Variants in CAPNS1 observed in about 807,000 individuals in gnomAD.
The protein encoded by CAPNS1 is CANP small subunit.
A neutral mutation model predicts 39.2 loss-of-function variants in CAPNS1; 32 were observed. That is an observed-to-expected ratio of 0.82 (90% confidence interval 0.62 to 1.10). The LOEUF (loss-of-function observed/expected upper bound fraction) is 1.10. CAPNS1 is among the 50% of genes least tolerant of loss of function. The pLI is 0.00. For missense variants in CAPNS1, 353 were observed against 373.1 expected (o/e 0.95, Z 0.44); for synonymous variants, 153 against 136.2 (o/e 1.12, Z -0.86).
intron 6 of CAPNS1, 115 bp downstream of exon 6, chr19:36,143,243 A>G: frequency 1.1e-6 from 1 of 895,710 alleles, no homozygotes; most frequent in Non-Finnish European, 1.9e-6. Flanking sequence ...TGCATTCATC[A>G]GAACACAGTC....
intron 2 of CAPNS1, chr19:36,141,644 AATGAGGAGGTGAGC>A (rs1296725362): frequency 2.0e-6 from 2 of 1,005,660 alleles, no homozygotes; most frequent in African/African-American, 1.7e-5. Flanking sequence ...TAGGTGGGTT[AATGAGGAGGTGAGC>A]CCAGGAGGAA....
intron 6 of CAPNS1, among the ~76,000 whole-genome samples, chr19:36,144,311 C>T (rs1251274204): frequency 1.3e-5 from 2 of 152,024 alleles, no homozygotes; most frequent in Non-Finnish European, 2.9e-5. Context: ...ACCCGGGAGG[C>T]GGAGGTTGCA....
chr19:36,141,860 A>G (rs1286646426), intron 2 of CAPNS1, among the ~76,000 whole-genome samples: 1 of 152,062 alleles, frequency 6.6e-6, no homozygotes, highest in African/African-American at 2.4e-5. Context: ...ACGGGCATTT[A>G]GGAAGCGGGC....
At position 36,145,203 on chromosome 19, in the gene CAPNS1, C is replaced by CTTTTTTT. The variant is rs5827950; in HGVS notation, c.457-590_457-584dup. Among the ~76,000 whole-genome samples the CTTTTTTT allele has an allele frequency of 6.9e-4, 82 of 118,284 alleles. 2 individuals are homozygous for CTTTTTTT. In the East Asian group the frequency reaches 0.01, roughly 15 times the overall value. The allele number at this position is 118,284 out of a possible 152,430, so 77.6% of individuals were successfully genotyped here. Reference sequence around the variant, plus strand: ...CTGTCAAGAATTTTCTTTTCTTTCTCTTTTTTTTTTTTTTTTTTTGAGACA... The same window carrying CTTTTTTT: ...CTGTCAAGAATTTTCTTTTCTTTCTCTTTTTTTTTTTTTTTTTTTTTTTTTTGAGACA... On this transcript the variant is annotated intron_variant, in intron 6 of 10. Coordinates refer to ENST00000246533, the MANE Select transcript of CAPNS1 (RefSeq NM_001749.4).
At chr19:36,148,405 T>G (rs1974651241) in intron 9 of CAPNS1, 1 of 151,078 alleles carries the variant, frequency 6.6e-6, no homozygotes, top group Non-Finnish European at 1.5e-5. Flanking sequence ...TGGTCTCAGT[T>G]GCTCGGGAGG....
At chr19:36,140,694 A>C in intron 1 of CAPNS1, 7 of 331,990 alleles carry the variant, frequency 2.1e-5, no homozygotes, top group East Asian at 6.1e-5. Context: ...CATGTCGGGA[A>C]CGCCTTACGC....
chr19:36,149,704 C>T, intron 10 of CAPNS1, 68 bp downstream of exon 10: 1 of 1,595,282 alleles, frequency 6.3e-7, no homozygotes, highest in East Asian at 2.3e-5. Context: ...CATACCAGCT[C>T]TGAGCTGCAG....
In CAPNS1 at chr19:36,146,311, C is replaced by T; in HGVS notation, c.720C>T (p.Phe240=). The change falls in exon 9 of 11, where the codon TTC becomes TTT. Residue 240 remains phenylalanine, a splice_region_variant and synonymous_variant. Transcript: ENST00000246533. ...ISCLVRLDAM[F]RAFKSLDKDG... is the part of the protein sequence containing the mutation. ...GCTTGGTCAGGCTGGACGCCATGTT[C>T]CGTGAGTGACAACCCAGCTGTCTTC... 6.3e-7 allele frequency: 1 copy of T among 1,598,600 alleles called. No individual in the cohort carries two copies.
chr19:36,141,544 A>T lies in CAPNS1; in HGVS notation c.209+324A>T, dbSNP rs113634128. 8.2e-4 allele frequency: 964 copies of T among 1,179,022 alleles called. 7 individuals carry two copies. The African/African-American group carries it at 0.014, about 17-fold the overall frequency. The allele number at this position is 1,179,022 out of a possible 1,614,324, so 73.0% of individuals were successfully genotyped here. Reference sequence around the variant, plus strand: ...GTCTGGGCTCAGCCTGCATTGGCTAACCTGGAGATGAACGTTAAAGGTGCG... The same window carrying T: ...GTCTGGGCTCAGCCTGCATTGGCTATCCTGGAGATGAACGTTAAAGGTGCG... On this transcript the variant is annotated intron_variant, in intron 2 of 10. Transcript: ENST00000246533.
chr19:36,143,844 C>G (rs1195407401), intron 6 of CAPNS1, among the ~76,000 whole-genome samples: 2 of 147,920 alleles, frequency 1.4e-5, no homozygotes, highest in Non-Finnish European at 3.0e-5. Flanking sequence ...GCCTGGGCGA[C>G]AGAGCCAGAC....
chr19:36,140,355 C>CA (rs1974312947), intron 1 of CAPNS1, 198 bp downstream of exon 1: 1 of 152,366 alleles, frequency 6.6e-6, no homozygotes. Flanking sequence ...ATCCAAAATA[C>CA]AGGCCCATAG....
intron 6 of CAPNS1, 98 bp from the exon 7 acceptor site, chr19:36,145,708 C>A: frequency 9.7e-7 from 1 of 1,026,706 alleles, no homozygotes; most frequent in Non-Finnish European, 1.5e-6. Flanking sequence ...GAGTTTCAGC[C>A]CTGGCTGCCC....
chr19:36,142,407 G>T (rs940280709), intron 3 of CAPNS1, 74 bp downstream of exon 3: 1 of 768,118 alleles, frequency 1.3e-6, no homozygotes, highest in African/African-American at 1.7e-5. Context: ...TTCCTGTAGA[G>T]AAGCCCCACC....
chr19:36,142,911 C>G lies in CAPNS1; in HGVS notation c.336C>G (p.Asp112Glu). ...CTGCCCCTAACTTCCGCCCGCAGGA[C>G]ATGGAGGTCAGCGCCACAGAACTCA... ...RRLFAQLAGDDMEVSATELMN... is the reference protein window; with the variant it reads ...RRLFAQLAGDEMEVSATELMN... The change falls in exon 5 of 11, where the codon GAC becomes GAG. Residue 112 changes from aspartate (D) to glutamate (E), a missense_variant and splice_region_variant. Asp to Glu is a conservative substitution (Grantham distance 45). Transcript: ENST00000246533. 1 of 1,614,196 alleles carries G rather than the reference C, an allele frequency of 6.2e-7. No individual in the cohort carries two copies.
chr19:36,141,713 C>A (rs896466311), intron 2 of CAPNS1: 1 of 615,812 alleles, frequency 1.6e-6, no homozygotes, highest in Non-Finnish European at 2.1e-6. Flanking sequence ...ATGGGCTGGG[C>A]TTGCTGGGAA....
At chr19:36,141,490 T>TG in intron 2 of CAPNS1, 9 of 1,243,456 alleles carry the variant, frequency 7.2e-6, no homozygotes, top group Non-Finnish European at 9.0e-6. Flanking sequence ...AGGGGACTGA[T>TG]GTGGAGTTTT....
chr19:36,140,401 G>A (rs1197344131), intron 1 of CAPNS1: 9 of 152,404 alleles, frequency 5.9e-5, no homozygotes, highest in Non-Finnish European at 1.0e-4. Flanking sequence ...TCCTTGGGGT[G>A]TCCTGAACCG....
chr19:36,145,353 C>T (rs552179276), intron 6 of CAPNS1: 11 of 172,972 alleles, frequency 6.4e-5, no homozygotes, highest in East Asian at 3.0e-4. Context: ...TACAGGTGTG[C>T]GCTACTACAG....
At chr19:36,142,604 C>T in intron 3 of CAPNS1, 48 bp from the exon 4 acceptor site, 1 of 1,541,068 alleles carries the variant, frequency 6.5e-7, no homozygotes. Context: ...GGGGAGCCGT[C>T]CTGGCCGGGT....
Sources: allele counts gnomAD v4.1 joint callset (sites outside exome capture counted in the v4.1 genomes callset), GRCh38; gene constraint gnomAD v4.1.1; transcripts MANE v1.5; gene names NCBI Gene and HGNC (gene_info 2026-07-23, HGNC 2026-07-21).